Variants in IKZF5 observed in about 807,000 individuals in gnomAD.
IKZF5 encodes zinc finger protein Pegasus.
Under a neutral mutation model 30.7 loss-of-function variants are expected in IKZF5, and 4 were observed. The ratio of observed to expected loss-of-function variants is 0.13; its 90% CI spans 0.06 to 0.30. The LOEUF (loss-of-function observed/expected upper bound fraction) is 0.30. IKZF5 is among the 10% of genes least tolerant of loss of function. IKZF5 has a pLI of 1.00. For synonymous variants in IKZF5, 148 were observed against 179.6 expected (o/e 0.82, Z 1.41); for missense variants, 348 against 525.5 (o/e 0.66, Z 3.30).
intron 2 of IKZF5, among the ~76,000 whole-genome samples, chr10:123,004,880 A>G (rs1447746540): frequency 6.6e-6 from 1 of 152,216 alleles, no homozygotes; most frequent in South Asian, 2.1e-4. Context: ...AGTCTATAGT[A>G]GAGACATATA....
intron 2 of IKZF5, among the ~76,000 whole-genome samples, chr10:123,004,638 A>G (rs1426118780): frequency 6.6e-6 from 1 of 151,892 alleles, no homozygotes; most frequent in African/African-American, 2.4e-5. Context: ...TTAAAAAAAA[A>G]AAAAGCATGT....
rs1192193267 is a variant in IKZF5, at chr10:122,994,330, C to G, written c.710G>C (p.Gly237Ala). Residue 237 changes from glycine to alanine, a missense_variant, in exon 5 of 5, where the codon GGT becomes GCT. Gly to Ala is a moderately conservative substitution (Grantham distance 60, BLOSUM62 0). Coordinates refer to ENST00000368886, the MANE Select transcript of IKZF5 (RefSeq NM_001372123.1). The surrounding 1 kb of genome is among the most constrained non-coding windows in gnomAD (Gnocchi z 5.6). ...TTCTTGGGGGTCCCTTGGAAGGCCA[C>G]CAGTTGGTGTGGTTTTTGCCATACT... The part of the protein sequence containing the change: ...YESMAKTTPT[G>A]GLPRDPQELM... The G allele has an allele frequency of 6.2e-7, 1 of 1,613,942 alleles. No homozygotes were observed. Among genetic ancestry groups the G allele is most frequent in the Admixed American group, 1.7e-5 (1 of 60,004 alleles).
At position 123,008,688 on chromosome 10, in the gene IKZF5, A is replaced by G. The variant is rs974884993; in HGVS notation, c.-198+6T>C. On this transcript the variant is annotated splice_donor_region_variant and intron_variant, in intron 1 of 4. Coordinates refer to ENST00000368886, the MANE Select transcript of IKZF5 (RefSeq NM_001372123.1). ...CCGCCGTCCGAGCCGGCAGCCTGCT[A>G]CTTACCTCCTGACAACTGCATGGAG... 13 of 445,506 alleles carry G rather than the reference A, an allele frequency of 2.9e-5. 1 individual carries two copies. The Admixed American group carries it at 4.5e-4, about 15-fold the overall frequency. The allele number at this position is 445,506 out of a possible 1,614,324, so 27.6% of individuals were successfully genotyped here.
intron 2 of IKZF5, among the ~76,000 whole-genome samples, 155 bp downstream of exon 2, chr10:123,006,871 T>A (rs867149890): frequency 5.3e-5 from 8 of 152,214 alleles, no homozygotes; most frequent in African/African-American, 1.9e-4. Flanking sequence ...TCCAAAATAA[T>A]TGGAACACAA....
rs1427229359 is a variant in IKZF5, at chr10:122,994,127, G to A, written c.913C>T (p.Pro305Ser). ...GGGCTTGTGGGAGAGGAGCTCTGAG[G>A]AATACTTGCTGATACGGCAGAAACT... ...AVVSAVSASIPQSSSPTSPEP... is the reference protein window; with the variant it reads ...AVVSAVSASISQSSSPTSPEP... The change falls in exon 5 of 5, where the codon CCT becomes TCT. Residue 305 changes from proline to serine, a missense_variant. This residue lies in a region of IKZF5 where 176 missense variants were observed against 198.2 expected (regional missense o/e 0.89). Coordinates refer to ENST00000368886, the MANE Select transcript of IKZF5 (RefSeq NM_001372123.1). The surrounding 1 kb of genome is among the most constrained non-coding windows in gnomAD (Gnocchi z 5.6). 2.5e-6 allele frequency: 4 copies of A among 1,614,168 alleles called. No individual in the cohort carries two copies. The highest frequency in any genetic ancestry group is 3.4e-6 in the Non-Finnish European group (4 of 1,180,024).
chr10:122,996,831 A>C (rs1849390764), intron 3 of IKZF5, among the ~76,000 whole-genome samples: 1 of 152,244 alleles, frequency 6.6e-6, no homozygotes, highest in African/African-American at 2.4e-5. Context: ...ACAGTTACAC[A>C]CAGGTGTTTA....
rs1009464818 is a variant in IKZF5, at chr10:122,991,877, G to A, written c.*1903C>T. 1 of 152,158 alleles carries A rather than the reference G, an allele frequency of 6.6e-6. No homozygotes were observed. Among genetic ancestry groups the A allele is most frequent in the Non-Finnish European group, 1.5e-5 (1 of 68,010 alleles). The allele number at this position is 152,158 out of a possible 1,614,324, so 9.4% of individuals were successfully genotyped here. A position where few individuals can be genotyped will look rare whatever the true frequency, so the allele number is the denominator to read the frequency against. ...AGAGTTAATAAGCTGGTTTTAACAA[G>A]GGAGTTCTCTTTGTTTCATGAAAAT... On this transcript the variant is annotated 3_prime_UTR_variant, in exon 5 of 5. Transcript: ENST00000368886.
chr10:122,997,160 G>C (rs956016599), intron 3 of IKZF5: 3 of 152,154 alleles, frequency 2.0e-5, no homozygotes, highest in African/African-American at 7.2e-5. Flanking sequence ...CAGGAAAATC[G>C]GCAAATGGCT....
At chr10:122,995,032 G>A in intron 4 of IKZF5, 1 of 265,902 alleles carries the variant, frequency 3.8e-6, no homozygotes. Flanking sequence ...TCTAGTAATA[G>A]TCTTACATAA....
chr10:123,004,067 C>A (rs764176319), intron 2 of IKZF5, among the ~76,000 whole-genome samples: 100 of 151,592 alleles, frequency 6.6e-4, no homozygotes, highest in Admixed American at 5.7e-3. Flanking sequence ...GTTGATTGTG[C>A]TGATTATCTG....
chr10:123,001,845 T>C (rs1849598173), intron 2 of IKZF5, among the ~76,000 whole-genome samples: 1 of 152,236 alleles, frequency 6.6e-6, no homozygotes, highest in South Asian at 2.1e-4. Flanking sequence ...GGTTGAGGAA[T>C]GAGGGGGTTC....
intron 2 of IKZF5, among the ~76,000 whole-genome samples, chr10:123,001,014 CT>C (rs1359372875): frequency 1.4e-3 from 194 of 140,718 alleles, no homozygotes; most frequent in Non-Finnish European, 1.5e-3. Context: ...CTTTTCTTTT[CT>C]TTTTTTTTTT....
Position 122,994,474 on chromosome 10 carries a change from A to T in IKZF5, c.566T>A (p.Leu189Gln). 1 of 1,614,074 alleles carries T rather than the reference A, an allele frequency of 6.2e-7. No homozygotes were observed. Among genetic ancestry groups the T allele is most frequent in the African/African-American group, 1.3e-5 (1 of 75,012 alleles). ...WGVLQKKTSN[L>Q]GYSRRALINL... ...GATTAGTGCTCTTCTGCTATAGCCC[A>T]GATTGCTTGTTTTCTTCTGTAAAAC... The change falls in exon 5 of 5, where the codon CTG becomes CAG. Residue 189 changes from leucine to glutamine, a missense_variant. Physicochemically the swap from Leu to Gln is moderately radical, Grantham distance 113 (BLOSUM62 -2). This residue lies in a region of IKZF5 where 176 missense variants were observed against 198.2 expected (regional missense o/e 0.89). Transcript: ENST00000368886. The surrounding 1 kb of genome is among the most constrained non-coding windows in gnomAD (Gnocchi z 5.6).
intron 3 of IKZF5, among the ~76,000 whole-genome samples, chr10:122,996,795 A>C (rs1057158665): frequency 2.0e-5 from 3 of 152,204 alleles, no homozygotes; most frequent in Non-Finnish European, 4.4e-5. Flanking sequence ...GGAGGGGAAT[A>C]AAGAGATTCA....
chr10:123,005,993 G>A (rs1235310031), intron 2 of IKZF5, among the ~76,000 whole-genome samples: 1 of 152,108 alleles, frequency 6.6e-6, no homozygotes, highest in Non-Finnish European at 1.5e-5. Context: ...AATCCTTCCT[G>A]TGATTATTCT....
rs756347111 is a variant in IKZF5 at position 122,994,400 on chromosome 10, C to T, written c.640G>A (p.Asp214Asn). ...MVVQKPDYLNDFTHEIPNIQT... is the reference protein window; with the variant it reads ...MVVQKPDYLNNFTHEIPNIQT... ...ATATTTGGGATTTCGTGGGTAAAAT[C>T]GTTAAGGTAGTCTGGTTTCTGAACC... Residue 214 changes from aspartate to asparagine, a missense_variant, in exon 5 of 5, where the codon GAT becomes AAT. Asp to Asn is a conservative substitution (Grantham distance 23). Transcript: ENST00000368886. This position sits in a 1 kb window ranked among gnomAD's most constrained non-coding sequence, Gnocchi z 5.6. 6 of 1,613,880 alleles carry T rather than the reference C, an allele frequency of 3.7e-6. No homozygotes were observed. The highest frequency in any genetic ancestry group is 4.5e-5 in the East Asian group (2 of 44,886).
chr10:122,997,023 G>A (rs753095816), intron 3 of IKZF5: 10 of 152,260 alleles, frequency 6.6e-5, no homozygotes, highest in South Asian at 2.1e-4. Context: ...GGAAAGTATC[G>A]TCCCTGATAC....
At chr10:122,999,671 C>T (rs188653831) in intron 2 of IKZF5, among the ~76,000 whole-genome samples, 1 of 152,340 alleles carries the variant, frequency 6.6e-6, no homozygotes, top group East Asian at 1.9e-4. Flanking sequence ...ACCACCTCTA[C>T]TACCTATCAT....
chr10:122,991,026 T>G lies in IKZF5; in HGVS notation c.*2754A>C, dbSNP rs1589712295. 1 of 151,962 alleles carries G rather than the reference T, an allele frequency of 6.6e-6. No homozygotes were observed. The highest frequency in any genetic ancestry group is 2.1e-4 in the South Asian group (1 of 4,822). 9.4% of individuals were successfully genotyped at this position (151,962 alleles called of 1,614,324 possible). On this transcript the variant is annotated 3_prime_UTR_variant, in exon 5 of 5. Coordinates refer to ENST00000368886, the MANE Select transcript of IKZF5 (RefSeq NM_001372123.1). Reference sequence around the variant, plus strand: ...AACAAGTTCTAGAAAGCATATACCCTCTAAGACTAATGAAAACGTCTTTAG... The same window carrying G: ...AACAAGTTCTAGAAAGCATATACCCGCTAAGACTAATGAAAACGTCTTTAG...
Sources: allele counts gnomAD v4.1 joint callset (sites outside exome capture counted in the v4.1 genomes callset), GRCh38; gene constraint gnomAD v4.1.1; regional missense constraint gnomAD v4.1.1; non-coding constraint Gnocchi (gnomAD v3.1); transcripts MANE v1.5; gene names NCBI Gene and HGNC (gene_info 2026-07-23, HGNC 2026-07-21).